The following PTPRD variants were observed in gnomAD, a reference collection of about 807,000 sequenced individuals.
PTPRD encodes the protein protein tyrosine phosphatase receptor type D, also known as receptor-type tyrosine-protein phosphatase delta.
Under a neutral mutation model 214.5 loss-of-function variants are expected in PTPRD, and 34 were observed. That is an observed-to-expected ratio of 0.16 (90% confidence interval 0.12 to 0.21). The LOEUF (loss-of-function observed/expected upper bound fraction) is 0.21, where lower values mean the gene tolerates loss of function less well. PTPRD is among the 10% of genes least tolerant of loss of function. PTPRD has a pLI of 1.00. For missense variants in PTPRD, 2,545 were observed against 2,398.7 expected, an observed-to-expected ratio of 1.06 and a Z score of -1.27; for synonymous variants, 1,128 against 845.7, an observed-to-expected ratio of 1.33 and a Z score of -5.79.
intron 7 of PTPRD, among the ~76,000 whole-genome samples, chr9:9,585,910 G>A (rs1223931251): frequency 2.6e-5 from 4 of 151,992 alleles, no homozygotes; most frequent in African/African-American, 7.2e-5. Flanking sequence ...TGGAGAAACT[G>A]GAAGCAGGCT....
intron 11 of PTPRD, among the ~76,000 whole-genome samples, chr9:8,970,271 C>G (rs1417796806): frequency 2.0e-5 from 3 of 151,934 alleles, no homozygotes; most frequent in African/African-American, 7.2e-5. Context: ...GCCATATCAT[C>G]TGTATATCTG....
chr9:8,658,012 C>T (rs1257163835), intron 12 of PTPRD, among the ~76,000 whole-genome samples: 2 of 152,024 alleles, frequency 1.3e-5, no homozygotes, highest in East Asian at 1.9e-4. Context: ...CAAAATATTG[C>T]TTGTCTTTTT....
chr9:9,982,634 G>A (rs945202347), intron 4 of PTPRD, among the ~76,000 whole-genome samples: 1 of 151,920 alleles, frequency 6.6e-6, no homozygotes, highest in Admixed American at 6.6e-5. Flanking sequence ...GTTGCATTGT[G>A]TATTATTAGA....
chr9:9,764,784 C>G (rs1003190153), intron 6 of PTPRD, among the ~76,000 whole-genome samples: 1 of 152,066 alleles, frequency 6.6e-6, no homozygotes, highest in Non-Finnish European at 1.5e-5. Context: ...TACTTCAAAC[C>G]CAGGAAGGTC....
At chr9:10,064,450 GA>G (rs2097840690) in intron 3 of PTPRD, among the ~76,000 whole-genome samples, 1 of 151,888 alleles carries the variant, frequency 6.6e-6, no homozygotes, top group Admixed American at 6.6e-5. Flanking sequence ...CTGGAGGCAG[GA>G]AAATATATTT....
At chr9:8,687,575 T>C (rs1041727117) in intron 12 of PTPRD, among the ~76,000 whole-genome samples, 20 of 152,142 alleles carry the variant, frequency 1.3e-4, no homozygotes, top group Non-Finnish European at 2.9e-4. Flanking sequence ...CAAGGTCGGA[T>C]GGAAGTGTGG....
chr9:8,715,784 ACAGG>A (rs2154410531), intron 12 of PTPRD, among the ~76,000 whole-genome samples: 1 of 152,384 alleles, frequency 6.6e-6, no homozygotes, highest in East Asian at 1.9e-4. Flanking sequence ...TAATATTGAG[ACAGG>A]CAAAGTACAT....
chr9:10,256,800 A>C (rs2093318287), intron 3 of PTPRD, among the ~76,000 whole-genome samples: 1 of 152,160 alleles, frequency 6.6e-6, no homozygotes, highest in African/African-American at 2.4e-5. Context: ...TCCTCCTGCC[A>C]CATCATCTTT....
chr9:9,473,596 AGT>A (rs1185459096), intron 8 of PTPRD, among the ~76,000 whole-genome samples: 3 of 152,098 alleles, frequency 2.0e-5, no homozygotes, highest in Non-Finnish European at 4.4e-5. Context: ...TCCCACTAAC[AGT>A]GTGTAAGAGT....
At chr9:8,371,212 C>T (rs1248589578) in intron 39 of PTPRD, among the ~76,000 whole-genome samples, 2 of 151,870 alleles carry the variant, frequency 1.3e-5, no homozygotes, top group African/African-American at 2.4e-5. Context: ...TAAAGAAATA[C>T]CCCAATATAA....
intron 14 of PTPRD, among the ~76,000 whole-genome samples, chr9:8,543,892 A>G (rs966338877): frequency 1.1e-4 from 17 of 151,882 alleles, no homozygotes; most frequent in Non-Finnish European, 1.5e-5. Flanking sequence ...TTCTATTTTT[A>G]GTAGAGACGG....
intron 2 of PTPRD, among the ~76,000 whole-genome samples, chr9:10,399,732 T>TA (rs1378411425): frequency 2.6e-5 from 4 of 151,872 alleles, no homozygotes; most frequent in Non-Finnish European, 1.5e-5. Context: ...AGGCATATGA[T>TA]ATGTGGGAGA....
At chr9:10,321,986 T>G (rs545478124) in intron 3 of PTPRD, among the ~76,000 whole-genome samples, 20 of 152,164 alleles carry the variant, frequency 1.3e-4, no homozygotes, top group African/African-American at 4.8e-4. Flanking sequence ...TTAAATATAA[T>G]GGCAGAAATG....
At chr9:8,343,797 T>G (rs1389152429) in intron 39 of PTPRD, among the ~76,000 whole-genome samples, 1 of 152,066 alleles carries the variant, frequency 6.6e-6, no homozygotes, top group Non-Finnish European at 1.5e-5. Flanking sequence ...CAACAGTGTT[T>G]GTGAAATAAG....
At chr9:10,497,292 A>G (rs1262404505) in intron 2 of PTPRD, among the ~76,000 whole-genome samples, 1 of 152,008 alleles carries the variant, frequency 6.6e-6, no homozygotes, top group African/African-American at 2.4e-5. Context: ...CCCTGTATCT[A>G]AAATTAAAGT....
At chr9:9,398,317 T>C (rs10118430) in intron 8 of PTPRD, among the ~76,000 whole-genome samples, 177 of 152,114 alleles carry the variant, frequency 1.2e-3, no homozygotes, top group Middle Eastern at 3.4e-3. Flanking sequence ...TCAGATTCTA[T>C]TTTGTGTGTT....
rs531080572 is a variant in PTPRD at position 9,770,021 on chromosome 9, G to C, written c.-367-3170C>G. Among the ~76,000 whole-genome samples, 220 of 152,236 alleles carry C rather than the reference G, an allele frequency of 1.4e-3. 1 individual carries two copies. The highest frequency in any genetic ancestry group is 2.4e-3 in the Non-Finnish European group (162 of 68,014). On this transcript the variant is annotated intron_variant, in intron 5 of 45. Coordinates refer to ENST00000381196, the MANE Select transcript of PTPRD (RefSeq NM_002839.4). ...TCCAGTCTATCACTGATGGGCATTTGGGTTGGTCCCAAGTCTTTGCTATTG... is the reference window on the plus strand; with the variant it reads ...TCCAGTCTATCACTGATGGGCATTTCGGTTGGTCCCAAGTCTTTGCTATTG...
chr9:10,183,768 A>T (rs919967886), intron 3 of PTPRD, among the ~76,000 whole-genome samples: 3 of 152,214 alleles, frequency 2.0e-5, no homozygotes, highest in Non-Finnish European at 4.4e-5. Flanking sequence ...AAAACGTCAA[A>T]GAAAAAGCTC....
intron 8 of PTPRD, among the ~76,000 whole-genome samples, chr9:9,509,256 A>G (rs1160132945): frequency 2.0e-5 from 3 of 151,510 alleles, no homozygotes; most frequent in African/African-American, 7.3e-5. Flanking sequence ...TAATTTCTGC[A>G]CACTAAAGGT....
Sources: gnomAD v4.1 joint callset for allele counts (sites outside exome capture counted in the v4.1 genomes callset) on GRCh38, gnomAD v4.1.1 for gene constraint, MANE v1.5 for transcripts, NCBI Gene and HGNC (gene_info 2026-07-23, HGNC 2026-07-21) for gene names.